NT5E: variants seen among roughly 807,000 people sequenced by gnomAD.
NT5E encodes 5'-nucleotidase.
Under a neutral mutation model 55.1 loss-of-function variants are expected in NT5E, and 53 were observed. That is an observed-to-expected ratio of 0.96 (90% CI 0.77 to 1.21). NT5E has a LOEUF of 1.21. Ranked by LOEUF, NT5E falls within the 50% of genes most tolerant of loss-of-function variation. The probability of loss-of-function intolerance (pLI) is 0.00; values close to 1 mark genes in which losing one functional copy is unlikely to be tolerated. For missense variants in NT5E, 683 were observed against 724.3 expected (o/e 0.94, Z 0.65); for synonymous variants, 270 against 278.4 (o/e 0.97, Z 0.30).
At position 85,495,185 on chromosome 6, in the gene NT5E, T is replaced by C. The variant is rs1377293167; in HGVS notation, c.*1181T>C. The C allele has an allele frequency of 6.6e-6, 1 of 152,242 alleles. No homozygotes were observed. The highest frequency in any genetic ancestry group is 1.5e-5 in the Non-Finnish European group (1 of 68,040). The allele number at this position is 152,242 out of a possible 1,614,324, so 9.4% of individuals were successfully genotyped here. The stretch of plus-strand genomic sequence containing the variant: ...TTTTTTAAGTCGCTCTGCCTCCAAA[T>C]CTGAACAGTCACTGTAAATCATTCT... On this transcript the variant is annotated 3_prime_UTR_variant, in exon 9 of 9. Coordinates refer to ENST00000257770, the MANE Select transcript of NT5E (RefSeq NM_002526.4).
At position 85,487,552 on chromosome 6, in the gene NT5E, G is replaced by A. The variant is rs1042939022; in HGVS notation, c.1104+63G>A. Reference sequence around the variant, plus strand: ...AAGGAAAGGAAGAGGGAAGAGGAAGGAAGGATGCGAGAAGGGATAGATCGA... The same window carrying A: ...AAGGAAAGGAAGAGGGAAGAGGAAGAAAGGATGCGAGAAGGGATAGATCGA... On this transcript the variant is annotated intron_variant, in intron 5 of 8. Coordinates refer to ENST00000257770, the MANE Select transcript of NT5E (RefSeq NM_002526.4). 1.4e-5 allele frequency: 22 copies of A among 1,589,272 alleles called. No homozygotes were observed. The East Asian group carries it at 4.3e-4, about 31-fold the overall frequency.
chr6:85,485,701 C>G (rs907396495), intron 4 of NT5E, among the ~76,000 whole-genome samples: 7 of 152,158 alleles, frequency 4.6e-5, no homozygotes, highest in Admixed American at 2.6e-4. Context: ...CCTGACATGC[C>G]AAAGCCACTC....
chr6:85,474,038 T>C (rs926193899), intron 3 of NT5E, among the ~76,000 whole-genome samples: 1 of 152,228 alleles, frequency 6.6e-6, no homozygotes, highest in African/African-American at 2.4e-5. Context: ...GCCTGTCCTT[T>C]GTTCCCATAA....
Position 85,450,629 on chromosome 6 carries a change from G to T in NT5E, c.339+151G>T. On this transcript the variant is annotated intron_variant, in intron 1 of 8. Coordinates refer to ENST00000257770, the MANE Select transcript of NT5E (RefSeq NM_002526.4). The surrounding 1 kb of genome is among the most constrained non-coding windows in gnomAD (Gnocchi z 4.0). ...GAGACTCCGGCCAGTGTGCCAGCTGGATGCATAGAAGTCCCTTGGACGATT... is the reference window on the plus strand; with the variant it reads ...GAGACTCCGGCCAGTGTGCCAGCTGTATGCATAGAAGTCCCTTGGACGATT... The T allele has an allele frequency of 1.3e-6, 1 of 751,684 alleles. No individual in the cohort carries two copies. The highest frequency in any genetic ancestry group is 1.6e-5 in the South Asian group (1 of 64,480). 46.6% of individuals were successfully genotyped at this position (751,684 alleles called of 1,614,324 possible).
chr6:85,489,444 TAAGG>T (rs139534171), intron 5 of NT5E, 46 bp from the exon 6 acceptor site: 75,742 of 1,340,696 alleles, frequency 0.056, 4,655 homozygotes, highest in East Asian at 0.23. Context: ...GAGCTGATCC[TAAGG>T]AAGAAGAGCC....
chr6:85,451,377 A>C (rs573504050), intron 1 of NT5E, among the ~76,000 whole-genome samples: 1 of 152,342 alleles, frequency 6.6e-6, no homozygotes, highest in South Asian at 2.1e-4. Context: ...AAACATGTGC[A>C]AAAGTTTAGT....
At chr6:85,476,271 AT>A (rs1289239642) in intron 3 of NT5E, among the ~76,000 whole-genome samples, 2 of 152,182 alleles carry the variant, frequency 1.3e-5, no homozygotes, top group African/African-American at 2.4e-5. Context: ...TATCTCCAGA[AT>A]TTCTCCATGT....
At chr6:85,469,215 G>T (rs193256749) in intron 2 of NT5E, among the ~76,000 whole-genome samples, 1 of 152,180 alleles carries the variant, frequency 6.6e-6, no homozygotes, top group African/African-American at 2.4e-5. Flanking sequence ...GTATATATGG[G>T]ATGCCTGGTC....
At chr6:85,490,129 G>GC (rs1769751145) in intron 6 of NT5E, among the ~76,000 whole-genome samples, 1 of 152,100 alleles carries the variant, frequency 6.6e-6, no homozygotes, top group Non-Finnish European at 1.5e-5. Flanking sequence ...TCAGTATAAG[G>GC]CCCCAAACGC....
At chr6:85,484,294 G>C (rs532735449) in intron 3 of NT5E, among the ~76,000 whole-genome samples, 1 of 152,294 alleles carries the variant, frequency 6.6e-6, no homozygotes, top group African/African-American at 2.4e-5. Context: ...TCTCCTTGGA[G>C]GTAAGATATA....
At chr6:85,487,266 T>G in intron 4 of NT5E, 69 bp from the exon 5 acceptor site, 1 of 1,319,808 alleles carries the variant, frequency 7.6e-7, no homozygotes, top group Non-Finnish European at 1.1e-6. Context: ...AGATGATGTT[T>G]CATTCCTTTT....
At chr6:85,457,680 A>G (rs1449572555) in intron 1 of NT5E, among the ~76,000 whole-genome samples, 4 of 152,142 alleles carry the variant, frequency 2.6e-5, no homozygotes, top group Non-Finnish European at 5.9e-5. Context: ...GAATGGGAAG[A>G]GTATGAGCCC....
At chr6:85,472,319 A>G (rs1769331059) in intron 3 of NT5E, among the ~76,000 whole-genome samples, 1 of 152,230 alleles carries the variant, frequency 6.6e-6, no homozygotes, top group Non-Finnish European at 1.5e-5. Context: ...GCGAAACTCA[A>G]AATACCCCAA....
rs1769844158 is a variant in NT5E at position 85,494,146 on chromosome 6, G to T, written c.*142G>T. On this transcript the variant is annotated 3_prime_UTR_variant, in exon 9 of 9. Coordinates refer to ENST00000257770, the MANE Select transcript of NT5E (RefSeq NM_002526.4). ...GCTGAAGGTTAGAGCATTATAAAAT[G>T]AAGAGACAGACATGATTACTCAGGG... 2.5e-6 allele frequency: 2 copies of T among 807,656 alleles called. No individual in the cohort carries two copies. Among genetic ancestry groups the T allele is most frequent in the Non-Finnish European group, 4.0e-6 (2 of 499,862 alleles). The allele number at this position is 807,656 out of a possible 1,614,324, so 50.0% of individuals were successfully genotyped here. A position where few individuals can be genotyped will look rare whatever the true frequency, so the allele number is the denominator to read the frequency against.
intron 1 of NT5E, among the ~76,000 whole-genome samples, chr6:85,455,143 T>C (rs1768963423): frequency 6.6e-6 from 1 of 152,166 alleles, no homozygotes; most frequent in African/African-American, 2.4e-5. Context: ...TAATAAAAAA[T>C]AAATATTTGG....
intron 1 of NT5E, among the ~76,000 whole-genome samples, chr6:85,466,103 G>T (rs956262628): frequency 4.6e-5 from 7 of 152,064 alleles, no homozygotes; most frequent in South Asian, 4.2e-4. Flanking sequence ...GGAGAGGAAG[G>T]TTTTCTGGGA....
chr6:85,450,088 C>T lies in NT5E; in HGVS notation c.-52C>T. ...GGCCCTAGCTGCTCGCCCCTACTCG[C>T]CGGCACTCGCCCGGCTCGCCCGCTT... On this transcript the variant is annotated 5_prime_UTR_variant, in exon 1 of 9. Coordinates refer to ENST00000257770, the MANE Select transcript of NT5E (RefSeq NM_002526.4). The surrounding 1 kb of genome is among the most constrained non-coding windows in gnomAD (Gnocchi z 4.0). 2.1e-6 allele frequency: 3 copies of T among 1,457,322 alleles called. No homozygotes were observed. The highest frequency in any genetic ancestry group is 1.9e-6 in the Non-Finnish European group (2 of 1,078,232). 90.3% of individuals were successfully genotyped at this position (1,457,322 alleles called of 1,614,324 possible).
At chr6:85,485,823 C>T (rs1056708013) in intron 4 of NT5E, among the ~76,000 whole-genome samples, 8 of 152,226 alleles carry the variant, frequency 5.3e-5, no homozygotes, top group Non-Finnish European at 1.0e-4. Context: ...GCAAGTTGCC[C>T]AATCTCATGG....
chr6:85,469,207 A>G (rs1459293996), intron 2 of NT5E, among the ~76,000 whole-genome samples: 3 of 152,190 alleles, frequency 2.0e-5, no homozygotes, highest in Non-Finnish European at 2.9e-5. Flanking sequence ...CATGCTTTGT[A>G]TATATGGGAT....
Sources: allele counts gnomAD v4.1 joint callset (sites outside exome capture counted in the v4.1 genomes callset), GRCh38; gene constraint gnomAD v4.1.1; non-coding constraint Gnocchi (gnomAD v3.1); transcripts MANE v1.5; gene names NCBI Gene and HGNC (gene_info 2026-07-23, HGNC 2026-07-21).